The following POLE2 variants were observed in gnomAD, a reference collection of about 807,000 sequenced individuals.
POLE2 encodes DNA polymerase epsilon subunit 2.
In POLE2, 56 loss-of-function variants were observed where a neutral mutation model predicts 79.4. The observed-to-expected ratio is 0.71, with a 90% CI of 0.57 to 0.88. POLE2 has a LOEUF of 0.88. Among genes scored for constraint, POLE2 ranks in the 40% least tolerant of loss-of-function variants. POLE2 has a pLI of 0.00. For missense variants in POLE2, 598 were observed against 638.9 expected (o/e 0.94, Z 0.69); for synonymous variants, 212 against 214.0 (o/e 0.99, Z 0.08).
intron 7 of POLE2, 43 bp from the exon 8 acceptor site, chr14:49,665,206 G>C: frequency 2.4e-6 from 2 of 817,708 alleles, no homozygotes; most frequent in Non-Finnish European, 4.1e-6. Flanking sequence ...ATGTAACAAT[G>C]AAAACCGTTG....
intron 10 of POLE2, among the ~76,000 whole-genome samples, chr14:49,659,912 A>G (rs1884979196): frequency 6.6e-6 from 1 of 152,188 alleles, no homozygotes; most frequent in Non-Finnish European, 1.5e-5. Flanking sequence ...TACTGAAGAA[A>G]GAAAACTCTT....
intron 5 of POLE2, among the ~76,000 whole-genome samples, chr14:49,672,031 G>T (rs1375266271): frequency 6.6e-6 from 1 of 152,174 alleles, no homozygotes; most frequent in Non-Finnish European, 1.5e-5. Flanking sequence ...AGGAATCTGA[G>T]AAAAGCCTTC....
At chr14:49,672,501 CTTT>C (rs34239544) in intron 5 of POLE2, among the ~76,000 whole-genome samples, 3 of 141,978 alleles carry the variant, frequency 2.1e-5, no homozygotes, top group Admixed American at 7.1e-5. Flanking sequence ...CCTCTCCCCT[CTTT>C]TTTTTTTTTT....
At chr14:49,677,624 G>A in intron 3 of POLE2, 1 of 605,712 alleles carries the variant, frequency 1.7e-6, no homozygotes, top group Non-Finnish European at 2.9e-6. Flanking sequence ...TGAACAGACT[G>A]ATGTCTGGTC....
intron 16 of POLE2, 37 bp downstream of exon 16, chr14:49,651,232 A>G (rs750652445): frequency 2.2e-6 from 2 of 894,556 alleles, no homozygotes; most frequent in East Asian, 2.4e-5. Flanking sequence ...ATAATGCAAC[A>G]TGTAAGGCAG....
At chr14:49,677,779 C>A in intron 3 of POLE2, 1 of 935,286 alleles carries the variant, frequency 1.1e-6, no homozygotes, top group Non-Finnish European at 1.5e-6. Flanking sequence ...TGTGGCAGCT[C>A]CTGGCCTCAA....
At chr14:49,652,110 G>A (rs559972534) in intron 15 of POLE2, among the ~76,000 whole-genome samples, 1 of 152,166 alleles carries the variant, frequency 6.6e-6, no homozygotes, top group South Asian at 2.1e-4. Context: ...GAAGGTGGAT[G>A]GGATATGCCT....
In POLE2 at chr14:49,647,271, CTG is replaced by C. The variant is rs1883846553; in HGVS notation, c.1565+20_1565+21del. 3.2e-6 allele frequency: 4 copies of C among 1,246,646 alleles called. No homozygotes were observed. Among genetic ancestry groups the C allele is most frequent in the African/African-American group, 1.5e-5 (1 of 65,248 alleles). 77.2% of individuals were successfully genotyped at this position (1,246,646 alleles called of 1,614,324 possible). ...AACACCTAGAGAAAGATCTTTCTTG[CTG>C]TGTCTGTGCACACACTTACCTATCT... On this transcript the variant is annotated intron_variant, in intron 18 of 18. Transcript: ENST00000216367.
intron 10 of POLE2, among the ~76,000 whole-genome samples, chr14:49,661,975 C>T (rs1380541708): frequency 6.6e-6 from 1 of 152,128 alleles, no homozygotes; most frequent in Non-Finnish European, 1.5e-5. Flanking sequence ...AGCCAGCCAA[C>T]TCAACTATAC....
intron 2 of POLE2, among the ~76,000 whole-genome samples, chr14:49,680,465 CA>C (rs1436299763): frequency 2.6e-5 from 4 of 152,194 alleles, no homozygotes; most frequent in African/African-American, 9.7e-5. Context: ...TAGCAGCTAC[CA>C]CTTATTAAGC....
Position 49,650,416 on chromosome 14 carries a change from C to A in POLE2, c.1346G>T (p.Gly449Val). The change falls in exon 17 of 19, where the codon GGA (glycine) becomes GTA (valine). Residue 449 changes from glycine to valine, a missense_variant. Transcript: ENST00000216367. Reference sequence around the variant, plus strand: ...ATAAAGAGGTAGGGGAGTCAGATGTCCTTGGGATAAGATAGTCTTTACAAA... The same window carrying A: ...ATAAAGAGGTAGGGGAGTCAGATGTACTTGGGATAAGATAGTCTTTACAAA... ...NHFVKTILSQ[G>V]HLTPLPLYVC... 1 of 1,548,080 alleles carries A rather than the reference C, an allele frequency of 6.5e-7. No homozygotes were observed. Among genetic ancestry groups the A allele is most frequent in the Non-Finnish European group, 8.7e-7 (1 of 1,144,460 alleles).
At chr14:49,658,363 A>G (rs1884861137) in intron 10 of POLE2, among the ~76,000 whole-genome samples, 2 of 152,300 alleles carry the variant, frequency 1.3e-5, no homozygotes, top group South Asian at 4.1e-4. Context: ...GGCCTGAGCC[A>G]CCGCGCCCGG....
At chr14:49,681,971 T>C (rs1265818121) in intron 2 of POLE2, 1 of 152,518 alleles carries the variant, frequency 6.6e-6, no homozygotes, top group Non-Finnish European at 1.5e-5. Flanking sequence ...GACCATCTTT[T>C]ATAGAATGTG....
chr14:49,654,231 C>T lies in POLE2; in HGVS notation c.1074-17G>A. ...AAACGACTACTGTAGCAAAATTCAA[C>T]ACAATTCATTTAAAAATATTATTGT... On this transcript the variant is annotated splice_polypyrimidine_tract_variant and intron_variant, in intron 13 of 18. Transcript: ENST00000216367. 2 of 1,566,688 alleles carry T rather than the reference C, an allele frequency of 1.3e-6. No homozygotes were observed. Among genetic ancestry groups the T allele is most frequent in the Non-Finnish European group, 8.8e-7 (1 of 1,141,372 alleles).
rs538232113 is a variant in POLE2, at chr14:49,665,042, T to C, written c.633+65A>G. The C allele has an allele frequency of 5.3e-5, 41 of 770,370 alleles. No individual in the cohort carries two copies. The South Asian group carries it at 6.3e-4, about 12-fold the overall frequency. 47.7% of individuals were successfully genotyped at this position (770,370 alleles called of 1,614,324 possible). A position where few individuals can be genotyped will look rare whatever the true frequency, so the allele number is the denominator to read the frequency against. ...CCCAAATAGGTAAATTTTAGAAGGA[T>C]ATATAATCAATTTCCCCAATTCACG... is the stretch of plus-strand genomic sequence containing the variant. On this transcript the variant is annotated intron_variant, in intron 8 of 18. Coordinates refer to ENST00000216367, the MANE Select transcript of POLE2 (RefSeq NM_002692.4).
In POLE2 at chr14:49,654,845, T is replaced by C; in HGVS notation, c.1019-7A>G. The C allele has an allele frequency of 2.0e-6, 3 of 1,489,978 alleles. No homozygotes were observed. Among genetic ancestry groups the C allele is most frequent in the Non-Finnish European group, 2.7e-6 (3 of 1,123,700 alleles). The allele number at this position is 1,489,978 out of a possible 1,614,324, so 92.3% of individuals were successfully genotyped here. A position where few individuals can be genotyped will look rare whatever the true frequency, so the allele number is the denominator to read the frequency against. On this transcript the variant is annotated splice_region_variant and splice_polypyrimidine_tract_variant and intron_variant, in intron 12 of 18. Coordinates refer to ENST00000216367, the MANE Select transcript of POLE2 (RefSeq NM_002692.4). Reference sequence around the variant, plus strand: ...GCCAAAGTTTTTAGGGAATCTAAAATTTTAAAAAGGTATTGAATTAAATTT... The same window carrying C: ...GCCAAAGTTTTTAGGGAATCTAAAACTTTAAAAAGGTATTGAATTAAATTT...
chr14:49,661,845 G>T (rs1261725025), intron 10 of POLE2, among the ~76,000 whole-genome samples: 1 of 151,994 alleles, frequency 6.6e-6, no homozygotes, highest in Non-Finnish European at 1.5e-5. Context: ...CAATCCTTTG[G>T]TTTACTAAGC....
chr14:49,651,195 T>C (rs1419000206), intron 16 of POLE2, 74 bp downstream of exon 16: 12 of 674,748 alleles, frequency 1.8e-5, no homozygotes, highest in African/African-American at 3.6e-5. Context: ...CAAGGACAAA[T>C]TATTAAGTGG....
chr14:49,645,295 GA>G lies in POLE2; in HGVS notation c.1566-1626del, dbSNP rs1398136283. ...ATTGTGTTTTTAAATAAAACTACTT[GA>G]AAGTCATGTTTAAACAGGGTTAATT... On this transcript the variant is annotated intron_variant, in intron 18 of 18. Transcript: ENST00000216367. 3.3e-5 allele frequency among the ~76,000 whole-genome samples: 5 copies of G among 152,232 alleles called. No individual in the cohort carries two copies. The South Asian group carries it at 1.0e-3, about 32-fold the overall frequency.
Sources: gnomAD v4.1 joint callset for allele counts (sites outside exome capture counted in the v4.1 genomes callset) on GRCh38, gnomAD v4.1.1 for gene constraint, MANE v1.5 for transcripts, NCBI Gene and HGNC (gene_info 2026-07-23, HGNC 2026-07-21) for gene names.